The following NHSL2 variants were observed in gnomAD, a reference collection of about 807,000 sequenced individuals.
NHSL2 encodes NHS like 2, also known as NHS-like protein 2.
Under a neutral mutation model 53.4 loss-of-function variants are expected in NHSL2, and 27 were observed. The ratio of observed to expected loss-of-function variants is 0.51; its 90% CI spans 0.37 to 0.70. NHSL2 has a LOEUF of 0.70. Among genes scored for constraint, NHSL2 ranks in the 30% least tolerant of loss-of-function variants. The probability of loss-of-function intolerance (pLI) is 0.00; values close to 1 mark genes in which losing one functional copy is unlikely to be tolerated. For missense variants in NHSL2, 892 were observed against 980.1 expected (o/e 0.91, Z 1.20); for synonymous variants, 408 against 404.1 (o/e 1.01, Z -0.12).
Position 72,129,730 on chromosome X carries a change from C to A in NHSL2, c.281-2349C>A, listed in dbSNP as rs996350717. The stretch of plus-strand genomic sequence containing the variant: ...TTCAGGTTCTGCAGGTCTGAAACTC[C>A]CTGAAGTCCTGGTCAGCAAATGGGG... On this transcript the variant is annotated intron_variant, in intron 1 of 7. Transcript: ENST00000633930. The A allele has an allele frequency of 9.7e-6, 8 of 826,700 alleles. No individual in the cohort carries two copies. In the Admixed American group the frequency reaches 2.5e-4, roughly 26 times the overall value. 68.1% of individuals were successfully genotyped at this position (826,700 alleles called of 1,213,427 possible). A position where few individuals can be genotyped will look rare whatever the true frequency, so the allele number is the denominator to read the frequency against.
chrX:72,020,168 G>T (rs2042153381), intron 1 of NHSL2, among the ~76,000 whole-genome samples: 2 of 112,597 alleles, frequency 1.8e-5, no homozygotes, highest in African/African-American at 6.5e-5. Context: ...GTACAAAGAA[G>T]AACATAAAAA....
At chrX:72,056,068 G>A (rs1569475945) in intron 1 of NHSL2, among the ~76,000 whole-genome samples, 1 of 111,769 alleles carries the variant, frequency 8.9e-6, no homozygotes, top group Non-Finnish European at 1.9e-5. Context: ...ATTTTTTACG[G>A]AATTATTACC....
chrX:72,095,929 A>C (rs745827526), intron 1 of NHSL2, among the ~76,000 whole-genome samples: 1 of 111,309 alleles, frequency 9.0e-6, no homozygotes, highest in Admixed American at 9.5e-5. Flanking sequence ...CCATTCCTTC[A>C]TTCAACAAAT....
chrX:72,073,994 G>C (rs775653681), intron 1 of NHSL2, among the ~76,000 whole-genome samples: 1 of 112,481 alleles, frequency 8.9e-6, no homozygotes, highest in East Asian at 2.8e-4. Context: ...ACTCCATGCT[G>C]GGTCCAGAAG....
intron 1 of NHSL2, among the ~76,000 whole-genome samples, chrX:71,964,249 T>C (rs930685902): frequency 3.1e-5 from 3 of 98,032 alleles, no homozygotes; most frequent in Non-Finnish European, 6.1e-5. Context: ...GTGTGTGATG[T>C]TCCCCTCCCT....
At chrX:72,065,372 A>G (rs996484046) in intron 1 of NHSL2, among the ~76,000 whole-genome samples, 1 of 112,447 alleles carries the variant, frequency 8.9e-6, no homozygotes, top group African/African-American at 3.2e-5. Context: ...GTTCATGAAT[A>G]CGTGGAAGAT....
chrX:72,143,147 G>A (rs2042432573), intron 7 of NHSL2, 106 bp from the exon 8 acceptor site: 1 of 540,430 alleles, frequency 1.9e-6, no homozygotes, highest in Non-Finnish European at 3.0e-6. Flanking sequence ...CAATACGGCT[G>A]CTTGCAGGGC....
At chrX:71,963,415 T>G (rs1199233184) in intron 1 of NHSL2, among the ~76,000 whole-genome samples, 1 of 111,073 alleles carries the variant, frequency 9.0e-6, no homozygotes, top group African/African-American at 3.3e-5. Context: ...AAATGGCAAA[T>G]GTAAACTCAA....
In NHSL2 at chrX:72,148,951, A is replaced by G. The variant is rs1461057440; in HGVS notation, c.*5377A>G. ...AGCCACGACTCTCCAACTGATTCCAACCTTTACCATTATTCTGGCTCTCAT... is the reference window on the plus strand; with the variant it reads ...AGCCACGACTCTCCAACTGATTCCAGCCTTTACCATTATTCTGGCTCTCAT... On this transcript the variant is annotated 3_prime_UTR_variant, in exon 8 of 8. Transcript: ENST00000633930. 2.8e-5 allele frequency: 3 copies of G among 108,067 alleles called. No individual in the cohort carries two copies. Among genetic ancestry groups the G allele is most frequent in the African/African-American group, 1.0e-4 (3 of 29,405 alleles). The allele number at this position is 108,067 out of a possible 1,213,427, so 8.9% of individuals were successfully genotyped here.
At chrX:71,916,911 C>T (rs972213616) in intron 1 of NHSL2, among the ~76,000 whole-genome samples, 2 of 111,878 alleles carry the variant, frequency 1.8e-5, no homozygotes, top group African/African-American at 6.5e-5. Context: ...AACTAACAGA[C>T]TTCTTGTGAT....
chrX:72,143,052 C>A (rs183025180), intron 7 of NHSL2, among the ~76,000 whole-genome samples: 150 of 110,996 alleles, frequency 1.4e-3, no homozygotes, highest in African/African-American at 4.6e-3. Context: ...GTGACTCCAG[C>A]TGGGGGCATT....
intron 1 of NHSL2, among the ~76,000 whole-genome samples, chrX:71,995,147 G>A (rs1249982320): frequency 8.9e-6 from 1 of 111,793 alleles, no homozygotes; most frequent in Non-Finnish European, 1.9e-5. Context: ...AGTTTATGTT[G>A]TTTCTACATT....
intron 1 of NHSL2, among the ~76,000 whole-genome samples, chrX:71,981,874 A>G (rs2041980906): frequency 8.9e-6 from 1 of 112,200 alleles, no homozygotes; most frequent in Non-Finnish European, 1.9e-5. Context: ...ACTGGTAGGA[A>G]CATAAAATGG....
chrX:71,914,354 A>G (rs905899809), intron 1 of NHSL2, among the ~76,000 whole-genome samples: 3 of 112,488 alleles, frequency 2.7e-5, no homozygotes, highest in African/African-American at 9.7e-5. Context: ...TTGGAGATCT[A>G]TATAATGTTT....
At chrX:72,069,657 C>T in intron 1 of NHSL2, 1 of 937,441 alleles carries the variant, frequency 1.1e-6, no homozygotes, top group East Asian at 4.2e-5. Flanking sequence ...GTGGCAGCGG[C>T]CGCCGCGGTG....
intron 1 of NHSL2, among the ~76,000 whole-genome samples, chrX:71,957,989 G>A (rs1162288204): frequency 9.0e-6 from 1 of 110,520 alleles, no homozygotes; most frequent in Admixed American, 9.6e-5. Context: ...TGGCAATGGT[G>A]GGGGGAAGGG....
intron 1 of NHSL2, among the ~76,000 whole-genome samples, chrX:72,116,393 G>A (rs1269572602): frequency 8.9e-6 from 1 of 112,518 alleles, no homozygotes; most frequent in East Asian, 2.8e-4. Flanking sequence ...TTGTACTTAT[G>A]TAAAAATACT....
At chrX:72,116,484 T>A (rs368735711) in intron 1 of NHSL2, among the ~76,000 whole-genome samples, 2 of 112,482 alleles carry the variant, frequency 1.8e-5, no homozygotes, top group African/African-American at 6.5e-5. Flanking sequence ...ATATAATAGA[T>A]CTTTGAGATC....
intron 1 of NHSL2, among the ~76,000 whole-genome samples, chrX:72,075,048 C>G (rs910074533): frequency 5.3e-5 from 6 of 112,189 alleles, no homozygotes; most frequent in Non-Finnish European, 1.1e-4. Flanking sequence ...CCTGAGCCAG[C>G]AAACACACTC....
Sources: gnomAD v4.1 joint callset for allele counts (sites outside exome capture counted in the v4.1 genomes callset) on GRCh38, gnomAD v4.1.1 for gene constraint, MANE v1.5 for transcripts, NCBI Gene and HGNC (gene_info 2026-07-23, HGNC 2026-07-21) for gene names.